DOCK2: variants seen among roughly 807,000 people sequenced by gnomAD.
DOCK2 encodes dedicator of cytokinesis protein 2.
Under a neutral mutation model 248.9 loss-of-function variants are expected in DOCK2, and 87 were observed. That is an observed-to-expected ratio of 0.35 (90% CI 0.29 to 0.42). The LOEUF (loss-of-function observed/expected upper bound fraction) is 0.42, where lower values mean the gene tolerates loss of function less well. DOCK2 is among the 10% of genes least tolerant of loss of function. The pLI is 1.00. For synonymous variants in DOCK2, 805 were observed against 821.6 expected, an observed-to-expected ratio of 0.98 and a Z score of 0.35; for missense variants, 1,747 against 2,300.2, an observed-to-expected ratio of 0.76 and a Z score of 4.92.
intron 8 of DOCK2, among the ~76,000 whole-genome samples, chr5:169,688,012 C>T (rs1280043868): frequency 1.3e-5 from 2 of 152,204 alleles, no homozygotes; most frequent in African/African-American, 2.4e-5. Context: ...GCAACCTCCA[C>T]CTCCCGGGTT....
At chr5:169,656,380 G>A (rs1235941856) in intron 2 of DOCK2, among the ~76,000 whole-genome samples, 3 of 151,432 alleles carry the variant, frequency 2.0e-5, no homozygotes, top group Non-Finnish European at 4.4e-5. Flanking sequence ...CTGGAGTGCA[G>A]TGATGCGATC....
intron 27 of DOCK2, among the ~76,000 whole-genome samples, chr5:169,911,449 G>C (rs1359747743): frequency 1.3e-5 from 2 of 152,156 alleles, no homozygotes; most frequent in Non-Finnish European, 2.9e-5. Flanking sequence ...ACATAAGATT[G>C]CCCTCCATGT....
At chr5:170,081,069 AG>A (rs1316752307) in intron 50 of DOCK2, 3 of 152,386 alleles carry the variant, frequency 2.0e-5, no homozygotes, top group African/African-American at 7.2e-5. Context: ...GCGCATACCC[AG>A]GAAGTAGTTC....
intron 22 of DOCK2, among the ~76,000 whole-genome samples, chr5:169,724,866 A>T (rs185001597): frequency 6.6e-6 from 1 of 151,420 alleles, no homozygotes; most frequent in Non-Finnish European, 1.5e-5. Context: ...ATTGCATAGT[A>T]GTTTACCCTC....
intron 27 of DOCK2, among the ~76,000 whole-genome samples, chr5:169,950,369 A>C (rs1776610111): frequency 6.6e-6 from 1 of 152,240 alleles, no homozygotes; most frequent in African/African-American, 2.4e-5. Flanking sequence ...GCATTTACTA[A>C]GCACTCAAAA....
chr5:170,082,342 T>C (rs1368072330), intron 51 of DOCK2, among the ~76,000 whole-genome samples: 1 of 152,196 alleles, frequency 6.6e-6, no homozygotes, highest in Non-Finnish European at 1.5e-5. Context: ...TTCCAAGCGC[T>C]GATTCTGCAA....
intron 27 of DOCK2, among the ~76,000 whole-genome samples, chr5:169,900,838 C>T (rs548229708): frequency 6.6e-6 from 1 of 152,108 alleles, no homozygotes; most frequent in South Asian, 2.1e-4. Context: ...ACAGATATAG[C>T]CTGCCTGGAA....
chr5:169,723,926 T>C (rs968492602), intron 22 of DOCK2, among the ~76,000 whole-genome samples: 2 of 152,158 alleles, frequency 1.3e-5, no homozygotes, highest in African/African-American at 4.8e-5. Context: ...GCAACTAGAA[T>C]GTAGTAAGCA....
At chr5:169,706,898 G>A (rs1183446758) in intron 14 of DOCK2, among the ~76,000 whole-genome samples, 1 of 152,136 alleles carries the variant, frequency 6.6e-6, no homozygotes, top group African/African-American at 2.4e-5. Context: ...GGTTGGCCAG[G>A]GCTCACGGAG....
rs1352038090 is a variant in DOCK2, at chr5:169,763,308, C to G, written c.2554+1683C>G. 1.3e-5 allele frequency among the ~76,000 whole-genome samples: 2 copies of G among 152,240 alleles called. No individual in the cohort carries two copies. The highest frequency in any genetic ancestry group is 2.9e-5 in the Non-Finnish European group (2 of 68,040). On this transcript the variant is annotated intron_variant, in intron 25 of 51. Coordinates refer to ENST00000520908, the MANE Select transcript of DOCK2 (RefSeq NM_004946.3). This position sits in a 1 kb window ranked among gnomAD's most constrained non-coding sequence, Gnocchi z 4.1. ...CTGCCCCTTCCTGCCCTGGAAGCCC[C>G]TCTCAGGATTTCAGGTGGTGCCACT...
chr5:169,922,116 A>T (rs1581421013), intron 27 of DOCK2, among the ~76,000 whole-genome samples: 1 of 152,328 alleles, frequency 6.6e-6, no homozygotes, highest in East Asian at 1.9e-4. Context: ...TTGAGAGAGA[A>T]CGTTAACATA....
At chr5:169,692,189 G>A (rs1261567620) in intron 9 of DOCK2, among the ~76,000 whole-genome samples, 1 of 152,150 alleles carries the variant, frequency 6.6e-6, no homozygotes, top group Non-Finnish European at 1.5e-5. Context: ...ACCCCACAAG[G>A]CTATGTAAGA....
chr5:169,652,520 A>T (rs1354833430), intron 1 of DOCK2, among the ~76,000 whole-genome samples: 2 of 152,264 alleles, frequency 1.3e-5, no homozygotes, highest in Non-Finnish European at 2.9e-5. Context: ...TAGAGGGGAC[A>T]GCCTGTGCTC....
At chr5:169,997,310 A>G (rs1754673074) in intron 30 of DOCK2, among the ~76,000 whole-genome samples, 1 of 135,744 alleles carries the variant, frequency 7.4e-6, no homozygotes, top group Non-Finnish European at 1.6e-5. Context: ...ATCGGGTTTT[A>G]TACCGAGACA....
chr5:169,886,185 C>A (rs1772957581), intron 27 of DOCK2, among the ~76,000 whole-genome samples: 1 of 152,082 alleles, frequency 6.6e-6, no homozygotes, highest in South Asian at 2.1e-4. Context: ...GGCGTGAGAA[C>A]AAAATGAGCC....
chr5:169,656,046 G>A (rs1282293235), intron 2 of DOCK2, among the ~76,000 whole-genome samples: 1 of 152,202 alleles, frequency 6.6e-6, no homozygotes, highest in African/African-American at 2.4e-5. Context: ...CGCTGTCCTA[G>A]AGAATTGAAT....
intron 25 of DOCK2, among the ~76,000 whole-genome samples, chr5:169,768,660 T>C (rs1307545010): frequency 6.6e-6 from 1 of 152,054 alleles, no homozygotes; most frequent in Non-Finnish European, 1.5e-5. Context: ...CAAGCCGGGG[T>C]GTTAGCAGGC....
intron 25 of DOCK2, among the ~76,000 whole-genome samples, chr5:169,792,476 T>C (rs949070468): frequency 1.3e-5 from 2 of 149,902 alleles, no homozygotes; most frequent in Admixed American, 1.3e-4. Flanking sequence ...TGTGTGCATA[T>C]ATACGTAAAT....
At chr5:169,892,757 A>G (rs1051305184) in intron 27 of DOCK2, among the ~76,000 whole-genome samples, 4 of 152,174 alleles carry the variant, frequency 2.6e-5, no homozygotes, top group Non-Finnish European at 5.9e-5. Flanking sequence ...GGTGTGCAAG[A>G]CAGCACAGAG....
Sources: allele counts gnomAD v4.1 joint callset (sites outside exome capture counted in the v4.1 genomes callset), GRCh38; gene constraint gnomAD v4.1.1; non-coding constraint Gnocchi (gnomAD v3.1); transcripts MANE v1.5; gene names NCBI Gene and HGNC (gene_info 2026-07-23, HGNC 2026-07-21).